CLCA2: variants seen among roughly 807,000 people sequenced by gnomAD.
CLCA2 encodes chloride channel accessory 2, also known as calcium-activated chloride channel regulator 2.
In CLCA2, 85 loss-of-function variants were observed where a neutral mutation model predicts 82.9. That is an observed-to-expected ratio of 1.03 (90% confidence interval 0.86 to 1.23). The LOEUF is 1.23. Ranked by LOEUF, CLCA2 falls within the 50% of genes most tolerant of loss-of-function variation. The probability of loss-of-function intolerance (pLI) is 0.00; values close to 1 mark genes in which losing one functional copy is unlikely to be tolerated. For synonymous variants in CLCA2, 421 were observed against 391.7 expected, an observed-to-expected ratio of 1.07 and a Z score of -0.88; for missense variants, 1,089 against 1,124.8, an observed-to-expected ratio of 0.97 and a Z score of 0.45.
intron 10 of CLCA2, among the ~76,000 whole-genome samples, chr1:86,445,692 C>G (rs962904840): frequency 6.8e-6 from 1 of 147,682 alleles, no homozygotes; most frequent in Admixed American, 6.7e-5. Flanking sequence ...CTTGGATCGT[C>G]TTTGTTATAA....
chr1:86,435,608 C>T (rs999072783), intron 6 of CLCA2, among the ~76,000 whole-genome samples: 2 of 152,132 alleles, frequency 1.3e-5, no homozygotes, highest in Admixed American at 6.5e-5. Context: ...AATATGTCTT[C>T]GTTATAAAGA....
At chr1:86,448,953 G>A (rs1421806274) in intron 11 of CLCA2, among the ~76,000 whole-genome samples, 1 of 152,208 alleles carries the variant, frequency 6.6e-6, no homozygotes. Flanking sequence ...CTCCCCTAGG[G>A]AATATCGTCT....
chr1:86,434,608 A>G lies in CLCA2; in HGVS notation c.835A>G (p.Ile279Val). 6.2e-7 allele frequency: 1 copy of G among 1,614,128 alleles called. No homozygotes were observed. The highest frequency in any genetic ancestry group is 8.5e-7 in the Non-Finnish European group (1 of 1,180,006). ...CAGCCTCAGAAGTGCATGGGATGTA[A>G]TCACAGACTCTGCTGACTTTCACCA... ...MCSLRSAWDVITDSADFHHSF... is the reference protein window; with the variant it reads ...MCSLRSAWDVVTDSADFHHSF... The change falls in exon 6 of 14, where the codon ATC (isoleucine) becomes GTC (valine). Residue 279 changes from isoleucine (I) to valine (V), a missense_variant. By Grantham distance (29) the Ile-to-Val change is conservative. Coordinates refer to ENST00000370565, the MANE Select transcript of CLCA2 (RefSeq NM_006536.7).
chr1:86,439,564 T>C (rs145671681), intron 7 of CLCA2, among the ~76,000 whole-genome samples: 1 of 152,322 alleles, frequency 6.6e-6, no homozygotes, highest in East Asian at 1.9e-4. Context: ...GTTTCAGGAA[T>C]GACAGAGTTT....
chr1:86,426,680 T>G (rs1229949169), intron 2 of CLCA2, among the ~76,000 whole-genome samples: 1 of 152,174 alleles, frequency 6.6e-6, no homozygotes, highest in Non-Finnish European at 1.5e-5. Flanking sequence ...CACTGGGGCT[T>G]GAATAAGGTA....
chr1:86,435,932 TAA>T (rs34457421), intron 6 of CLCA2, among the ~76,000 whole-genome samples: 1 of 128,120 alleles, frequency 7.8e-6, no homozygotes, highest in East Asian at 2.1e-4. Flanking sequence ...TTTAAATGGT[TAA>T]AAAAAAAAAA....
In CLCA2 at chr1:86,430,943, A is replaced by G; in HGVS notation, c.557A>G (p.Asn186Ser). The G allele has an allele frequency of 6.2e-7, 1 of 1,612,738 alleles. No homozygotes were observed. Among genetic ancestry groups the G allele is most frequent in the Non-Finnish European group, 8.5e-7 (1 of 1,179,190 alleles). Reference sequence around the variant, plus strand: ...AACAATGACAAACCTTTCTACATAAATGGGCAAAATCAAATTAAAGTGACA... The same window carrying G: ...AACAATGACAAACCTTTCTACATAAGTGGGCAAAATCAAATTAAAGTGACA... ...EYNNDKPFYI[N>S]GQNQIKVTRC... is the part of the protein sequence containing the mutation. Residue 186 changes from asparagine (N) to serine (S), a missense_variant, in exon 4 of 14, where the codon AAT (asparagine) becomes AGT (serine). By Grantham distance (46) the Asn-to-Ser change is conservative. Coordinates refer to ENST00000370565, the MANE Select transcript of CLCA2 (RefSeq NM_006536.7).
At chr1:86,443,433 T>G (rs554537126) in intron 9 of CLCA2, among the ~76,000 whole-genome samples, 2 of 152,350 alleles carry the variant, frequency 1.3e-5, no homozygotes, top group Non-Finnish European at 2.9e-5. Flanking sequence ...TTAATAAAAT[T>G]TAAGCATATT....
Position 86,439,099 on chromosome 1 carries a change from G to C in CLCA2, c.1196G>C (p.Gly399Ala). 1 of 1,613,758 alleles carries C rather than the reference G, an allele frequency of 6.2e-7. No homozygotes were observed. The highest frequency in any genetic ancestry group is 8.5e-7 in the Non-Finnish European group (1 of 1,179,718). Residue 399 changes from glycine to alanine, a missense_variant, in exon 7 of 14, where the codon GGA (glycine) becomes GCA (alanine). By Grantham distance (60) the Gly-to-Ala change is moderately conservative. Coordinates refer to ENST00000370565, the MANE Select transcript of CLCA2 (RefSeq NM_006536.7). Reference sequence around the variant, plus strand: ...AGCATTTGTTCAGGGCTTAAGAAAGGATTTGAGGTACAGTAGAGCATCCTA... The same window carrying C: ...AGCATTTGTTCAGGGCTTAAGAAAGCATTTGAGGTACAGTAGAGCATCCTA... ...DISICSGLKK[G>A]FEVVEKLNGK...
intron 12 of CLCA2, among the ~76,000 whole-genome samples, chr1:86,452,176 C>CTTTTTTTTT (rs753484167): frequency 1.2e-3 from 51 of 43,938 alleles, no homozygotes; most frequent in East Asian, 1.6e-3. Context: ...AACCTGGAAG[C>CTTTTTTTTT]TTTTTTTTTT....
chr1:86,434,790 C>T (rs983538713), intron 6 of CLCA2, 45 bp downstream of exon 6: 3 of 1,440,690 alleles, frequency 2.1e-6, no homozygotes, highest in Non-Finnish European at 9.8e-7. Flanking sequence ...ATCATTTTTT[C>T]TATCAGTTCT....
chr1:86,433,963 T>C (rs1039013257), intron 5 of CLCA2, among the ~76,000 whole-genome samples: 12 of 151,812 alleles, frequency 7.9e-5, no homozygotes, highest in African/African-American at 2.9e-4. Flanking sequence ...ATTATATCTA[T>C]ATTTCTGTAA....
At chr1:86,450,213 A>T (rs1662934027) in intron 11 of CLCA2, among the ~76,000 whole-genome samples, 1 of 152,192 alleles carries the variant, frequency 6.6e-6, no homozygotes, top group Admixed American at 6.5e-5. Flanking sequence ...TTCATATCTC[A>T]AAAGGGTCAA....
chr1:86,438,263 C>A (rs901242910), intron 6 of CLCA2, among the ~76,000 whole-genome samples: 5 of 152,204 alleles, frequency 3.3e-5, no homozygotes, highest in Non-Finnish European at 7.3e-5. Context: ...AATAGCATCA[C>A]CTGCCCAAAA....
intron 8 of CLCA2, among the ~76,000 whole-genome samples, chr1:86,440,823 C>A (rs1458389120): frequency 7.2e-5 from 11 of 152,090 alleles, no homozygotes; most frequent in Non-Finnish European, 1.6e-4. Context: ...ATCACTAGAA[C>A]TCAGGAGGCA....
At chr1:86,448,370 A>G (rs1290363670) in intron 11 of CLCA2, 1 of 152,910 alleles carries the variant, frequency 6.5e-6, no homozygotes, top group Non-Finnish European at 1.5e-5. Flanking sequence ...CCCAGCCTGC[A>G]AGCCTAGTGG....
chr1:86,452,886 T>G (rs1300446809), intron 12 of CLCA2, among the ~76,000 whole-genome samples: 1 of 152,172 alleles, frequency 6.6e-6, no homozygotes, highest in Non-Finnish European at 1.5e-5. Context: ...CCATAAGTAT[T>G]TACTGAGGCC....
Position 86,443,907 on chromosome 1 carries a change from G to C in CLCA2, c.1609G>C (p.Glu537Gln). 6.2e-7 allele frequency: 1 copy of C among 1,613,540 alleles called. No homozygotes were observed. The highest frequency in any genetic ancestry group is 1.1e-5 in the South Asian group (1 of 91,060). ...LVTWQASGPPEIILFDPDGRK... is the reference protein window; with the variant it reads ...LVTWQASGPPQIILFDPDGRK... ...TACGTGGCAGGCCAGTGGTCCTCCT[G>C]AGATTATATTATTTGATCCTGATGG... Residue 537 changes from glutamate to glutamine, a missense_variant, in exon 10 of 14, where the codon GAG becomes CAG. Transcript: ENST00000370565.
chr1:86,435,288 G>T (rs1030779500), intron 6 of CLCA2, among the ~76,000 whole-genome samples: 7 of 152,082 alleles, frequency 4.6e-5, no homozygotes, highest in Non-Finnish European at 7.4e-5. Flanking sequence ...GCTACTAATT[G>T]AAACTCTTTC....
Sources: allele counts gnomAD v4.1 joint callset (sites outside exome capture counted in the v4.1 genomes callset), GRCh38; gene constraint gnomAD v4.1.1; transcripts MANE v1.5; gene names NCBI Gene and HGNC (gene_info 2026-07-23, HGNC 2026-07-21).